DNAH14: variants seen among roughly 807,000 people sequenced by gnomAD.
DNAH14 encodes dynein axonemal heavy chain 14.
DNAH14 carries 478 observed loss-of-function variants against 520.9 expected under a neutral mutation model. The ratio of observed to expected loss-of-function variants is 0.92; its 90% CI spans 0.85 to 0.99. The LOEUF (loss-of-function observed/expected upper bound fraction) is 0.99, where lower values mean the gene tolerates loss of function less well. Among genes scored for constraint, DNAH14 ranks in the 50% least tolerant of loss-of-function variants. The pLI is 0.00. For missense variants in DNAH14, 4,831 were observed against 5,234.5 expected (o/e 0.92, Z 2.38); for synonymous variants, 1,581 against 1,757.2 (o/e 0.90, Z 2.51).
At chr1:225,210,311 C>T (rs1369949222) in intron 41 of DNAH14, among the ~76,000 whole-genome samples, 4 of 152,094 alleles carry the variant, frequency 2.6e-5, no homozygotes, top group Admixed American at 6.6e-5. Context: ...CTGGGACTCT[C>T]GAGCTTGGTA....
At chr1:225,014,459 C>T (rs2065052035) in intron 10 of DNAH14, among the ~76,000 whole-genome samples, 1 of 151,800 alleles carries the variant, frequency 6.6e-6, no homozygotes, top group Non-Finnish European at 1.5e-5. Context: ...TATAAATTTG[C>T]CTCTTAGTAT....
At position 225,117,870 on chromosome 1, in the gene DNAH14, C is replaced by G. The variant is rs16843988; in HGVS notation, c.3973-11C>G. 0.052 allele frequency: 79,147 copies of G among 1,531,700 alleles called. 3,834 individuals carry two copies. The highest frequency in any genetic ancestry group is 0.24 in the East Asian group (9,896 of 40,742). The allele number at this position is 1,531,700 out of a possible 1,614,324, so 94.9% of individuals were successfully genotyped here. A position where few individuals can be genotyped will look rare whatever the true frequency, so the allele number is the denominator to read the frequency against. ...TCAATAATATTACTGACATTTGTTT[C>G]TGGTTCACAGCCTCATCTTGTGAAA... On this transcript the variant is annotated splice_polypyrimidine_tract_variant and intron_variant, in intron 24 of 85. Coordinates refer to ENST00000682510, the MANE Select transcript of DNAH14 (RefSeq NM_001367479.1).
intron 44 of DNAH14, 142 bp downstream of exon 44, chr1:225,252,559 T>C (rs2092595371): frequency 3.8e-6 from 2 of 529,252 alleles, no homozygotes; most frequent in East Asian, 6.4e-5. Context: ...AGAGACCAGT[T>C]TAGATCTATG....
intron 35 of DNAH14, among the ~76,000 whole-genome samples, chr1:225,161,663 C>T (rs968513599): frequency 4.6e-5 from 7 of 152,156 alleles, no homozygotes; most frequent in Admixed American, 3.3e-4. Context: ...CACATCCTCA[C>T]CAGCATTTGT....
intron 20 of DNAH14, 95 bp downstream of exon 20, chr1:225,082,834 A>G: frequency 9.5e-7 from 1 of 1,049,072 alleles, no homozygotes; most frequent in South Asian, 1.7e-5. Context: ...GGAATTAGGA[A>G]AGGAAGTTTA....
intron 55 of DNAH14, among the ~76,000 whole-genome samples, chr1:225,291,865 G>C (rs1184101262): frequency 6.6e-6 from 1 of 152,054 alleles, no homozygotes; most frequent in Non-Finnish European, 1.5e-5. Flanking sequence ...CCATTTGTAT[G>C]TCTTCTTTTG....
At chr1:225,327,332 T>A (rs1188453690) in intron 64 of DNAH14, among the ~76,000 whole-genome samples, 2 of 152,016 alleles carry the variant, frequency 1.3e-5, no homozygotes, top group East Asian at 1.9e-4. Context: ...TAATTTATTT[T>A]TTTTATTTTT....
At chr1:225,008,575 CTTTTTTTT>C (rs57331050) in intron 10 of DNAH14, among the ~76,000 whole-genome samples, 4 of 98,316 alleles carry the variant, frequency 4.1e-5, no homozygotes, top group Admixed American at 1.3e-4. Flanking sequence ...TTTTTCCTGA[CTTTTTTTT>C]TTTTTTTTTT....
chr1:225,393,626 G>A (rs558510780), intron 84 of DNAH14, among the ~76,000 whole-genome samples: 1,897 of 152,252 alleles, frequency 0.012, 41 homozygotes, highest in African/African-American at 0.042. Flanking sequence ...TAAATACACT[G>A]AGGGTCATAC....
Position 225,138,700 on chromosome 1 carries a change from G to T in DNAH14, c.4255-2068G>T, listed in dbSNP as rs76127064. On this transcript the variant is annotated intron_variant, in intron 27 of 85. Transcript: ENST00000682510. ...TTCGTGGGAAAAGCATGGTTTCCCGGGTGGGGTTGCACAGTCACTCACCGC... is the reference window on the plus strand; with the variant it reads ...TTCGTGGGAAAAGCATGGTTTCCCGTGTGGGGTTGCACAGTCACTCACCGC... 4.7e-4 allele frequency among the ~76,000 whole-genome samples: 72 copies of T among 152,190 alleles called. No homozygotes were observed. In the East Asian group the frequency reaches 0.013, roughly 28 times the overall value.
intron 73 of DNAH14, among the ~76,000 whole-genome samples, chr1:225,356,516 C>T (rs1212016280): frequency 6.6e-6 from 1 of 152,160 alleles, no homozygotes; most frequent in African/African-American, 2.4e-5. Flanking sequence ...ATTGATACCT[C>T]AACTCTACAT....
chr1:225,320,941 G>C (rs564800126), intron 61 of DNAH14, among the ~76,000 whole-genome samples: 1 of 152,130 alleles, frequency 6.6e-6, no homozygotes, highest in South Asian at 2.1e-4. Context: ...TTTTATCCTA[G>C]TATTATATTC....
chr1:225,101,634 T>C (rs1340555043), intron 23 of DNAH14, among the ~76,000 whole-genome samples: 1 of 152,172 alleles, frequency 6.6e-6, no homozygotes, highest in Admixed American at 6.6e-5. Flanking sequence ...GCCTGGTTTT[T>C]TTTACTTAAC....
At chr1:225,218,214 T>C (rs1387078902) in intron 41 of DNAH14, among the ~76,000 whole-genome samples, 1 of 152,166 alleles carries the variant, frequency 6.6e-6, no homozygotes, top group Non-Finnish European at 1.5e-5. Flanking sequence ...TACCAAATTG[T>C]AAAGATCATC....
At position 225,335,517 on chromosome 1, in the gene DNAH14, GTACATATA is replaced by G. The variant is rs1268209937; in HGVS notation, c.10081-1741_10081-1734del. The stretch of plus-strand genomic sequence containing the variant: ...TGTGTACATGTACACATATACATAT[GTACATATA>G]TACATATGTACATATATACGTATAT... On this transcript the variant is annotated intron_variant, in intron 66 of 85. Coordinates refer to ENST00000682510, the MANE Select transcript of DNAH14 (RefSeq NM_001367479.1). Among the ~76,000 whole-genome samples the G allele has an allele frequency of 2.0e-5, 2 of 101,824 alleles. 1 individual carries two copies. The highest frequency in any genetic ancestry group is 6.3e-4 in the South Asian group (2 of 3,182). The allele number at this position is 101,824 out of a possible 152,430, so 66.8% of individuals were successfully genotyped here.
At chr1:225,296,855 C>A (rs1455362962) in intron 55 of DNAH14, among the ~76,000 whole-genome samples, 2 of 152,138 alleles carry the variant, frequency 1.3e-5, no homozygotes, top group African/African-American at 2.4e-5. Flanking sequence ...TGCTGTTGTT[C>A]TGCTGGGGTT....
At chr1:225,058,896 CAGTT>C (rs2069559634) in intron 17 of DNAH14, among the ~76,000 whole-genome samples, 2 of 152,106 alleles carry the variant, frequency 1.3e-5, no homozygotes, top group Non-Finnish European at 2.9e-5. Flanking sequence ...GTCTGAGAGA[CAGTT>C]TGTTATAATT....
Position 225,360,702 on chromosome 1 carries a change from T to C in DNAH14, c.11798T>C (p.Leu3933Pro), listed in dbSNP as rs1382418511. The change falls in exon 75 of 86, where the codon CTC becomes CCC. Residue 3933 changes from leucine (L) to proline (P), a missense_variant. Leu to Pro is a moderately conservative substitution (Grantham distance 98). Transcript: ENST00000682510. ...QTHGIDLTNILLRFAQELKGT... is the reference protein window; with the variant it reads ...QTHGIDLTNIPLRFAQELKGT... ...ACAGGGATCGACCTTACCAATATCC[T>C]CCTGAGATTTGCACAAGAGTTAAAA... The C allele has an allele frequency of 3.7e-5, 58 of 1,551,702 alleles. No homozygotes were observed. Among genetic ancestry groups the C allele is most frequent in the Non-Finnish European group, 5.1e-5 (58 of 1,146,988 alleles).
At chr1:225,128,885 T>A (rs2148934735) in intron 27 of DNAH14, among the ~76,000 whole-genome samples, 1 of 150,694 alleles carries the variant, frequency 6.6e-6, no homozygotes, top group Non-Finnish European at 1.5e-5. Context: ...TTGTCCCTGT[T>A]TGCAGATGAC....
Sources: allele counts gnomAD v4.1 joint callset (sites outside exome capture counted in the v4.1 genomes callset), GRCh38; gene constraint gnomAD v4.1.1; transcripts MANE v1.5; gene names NCBI Gene and HGNC (gene_info 2026-07-23, HGNC 2026-07-21).